The following FRMD4A variants were observed in gnomAD, a reference collection of about 807,000 sequenced individuals.
FRMD4A encodes FERM domain containing 4A.
In FRMD4A, 29 loss-of-function variants were observed where a neutral mutation model predicts 129.1. That is an observed-to-expected ratio of 0.22 (90% confidence interval 0.17 to 0.31). The LOEUF (loss-of-function observed/expected upper bound fraction) is 0.31. Ranked by LOEUF, FRMD4A falls within the 10% of genes least tolerant of loss-of-function variation. The pLI, the probability that FRMD4A is intolerant of heterozygous loss-of-function variation, is 1.00. For missense variants in FRMD4A, 1,272 were observed against 1,375.8 expected, an observed-to-expected ratio of 0.92 and a Z score of 1.19; for synonymous variants, 634 against 571.6, an observed-to-expected ratio of 1.11 and a Z score of -1.56.
intron 9 of FRMD4A, 78 bp downstream of exon 9, chr10:13,747,658 G>C (rs1359725497): frequency 2.1e-5 from 16 of 762,722 alleles, no homozygotes; most frequent in Non-Finnish European, 3.8e-5. Context: ...CTGGTGGAGG[G>C]AGGGTACATT....
chr10:13,934,838 C>A (rs938933889), intron 2 of FRMD4A, among the ~76,000 whole-genome samples: 1 of 152,096 alleles, frequency 6.6e-6, no homozygotes, highest in Non-Finnish European at 1.5e-5. Context: ...TAACAAAATG[C>A]CTTAGACTGG....
intron 2 of FRMD4A, among the ~76,000 whole-genome samples, chr10:13,908,271 A>G (rs2094904639): frequency 1.3e-5 from 2 of 151,940 alleles, no homozygotes; most frequent in East Asian, 1.9e-4. Context: ...AAAGCAAGAG[A>G]GAGAGAGCTT....
chr10:13,985,499 G>C (rs573965151), intron 2 of FRMD4A, among the ~76,000 whole-genome samples: 3 of 152,358 alleles, frequency 2.0e-5, no homozygotes, highest in Admixed American at 1.3e-4. Context: ...GTGAGTTCAG[G>C]TCAGGCCTAA....
intron 3 of FRMD4A, among the ~76,000 whole-genome samples, chr10:13,819,465 A>G (rs1292494876): frequency 1.3e-5 from 2 of 151,910 alleles, no homozygotes; most frequent in African/African-American, 4.8e-5. Flanking sequence ...CTGGATTTCT[A>G]CAGCACTCAA....
chr10:13,915,516 C>CA (rs1415031946), intron 2 of FRMD4A, among the ~76,000 whole-genome samples: 2 of 151,524 alleles, frequency 1.3e-5, no homozygotes, highest in African/African-American at 4.9e-5. Flanking sequence ...ACTAAAAATA[C>CA]AAAAAATTAG....
At chr10:14,185,471 A>T (rs566770714) in intron 2 of FRMD4A, among the ~76,000 whole-genome samples, 4 of 152,220 alleles carry the variant, frequency 2.6e-5, no homozygotes, top group Non-Finnish European at 5.9e-5. Context: ...TACAAAAAAC[A>T]TTACAACATT....
At chr10:14,267,821 A>G (rs1242610827) in intron 2 of FRMD4A, among the ~76,000 whole-genome samples, 7 of 152,216 alleles carry the variant, frequency 4.6e-5, no homozygotes, top group Non-Finnish European at 8.8e-5. Context: ...ATATTATGAC[A>G]CAAGACCTAA....
At chr10:14,001,184 A>C (rs1486834628) in intron 2 of FRMD4A, among the ~76,000 whole-genome samples, 2 of 152,186 alleles carry the variant, frequency 1.3e-5, no homozygotes, top group East Asian at 3.9e-4. Flanking sequence ...TGGGGATTTA[A>C]ATACTGATGC....
At chr10:14,244,024 T>C (rs1172537135) in intron 2 of FRMD4A, among the ~76,000 whole-genome samples, 1 of 152,124 alleles carries the variant, frequency 6.6e-6, no homozygotes, top group African/African-American at 2.4e-5. Context: ...GCTCAGAGAA[T>C]AACAATTGAC....
intron 2 of FRMD4A, among the ~76,000 whole-genome samples, chr10:14,119,995 C>CTT (rs34292351): frequency 0.012 from 1,587 of 131,176 alleles, 14 homozygotes; most frequent in African/African-American, 0.022. Flanking sequence ...ATGTCATCTG[C>CTT]TTTTTTTTTT....
chr10:14,270,976 A>T (rs1314537964), intron 2 of FRMD4A, among the ~76,000 whole-genome samples: 7 of 152,204 alleles, frequency 4.6e-5, no homozygotes, highest in Non-Finnish European at 2.9e-5. Context: ...GCTGTACAGG[A>T]AGTGTAACAG....
At chr10:14,311,036 G>C (rs942928366) in intron 2 of FRMD4A, among the ~76,000 whole-genome samples, 1 of 152,108 alleles carries the variant, frequency 6.6e-6, no homozygotes, top group Non-Finnish European at 1.5e-5. Flanking sequence ...CCCTCAATGA[G>C]AGCTTACTAG....
intron 2 of FRMD4A, among the ~76,000 whole-genome samples, chr10:14,045,523 C>A (rs988765368): frequency 1.4e-4 from 21 of 151,004 alleles, no homozygotes; most frequent in African/African-American, 5.1e-4. Context: ...AAGATATAAC[C>A]ATAAATATGT....
chr10:14,251,201 A>T (rs552735729), intron 2 of FRMD4A, among the ~76,000 whole-genome samples: 1 of 152,218 alleles, frequency 6.6e-6, no homozygotes, highest in African/African-American at 2.4e-5. Flanking sequence ...TAGACTATTA[A>T]TTAGAAACAA....
At chr10:13,957,622 A>G (rs1339684785) in intron 2 of FRMD4A, among the ~76,000 whole-genome samples, 3 of 152,110 alleles carry the variant, frequency 2.0e-5, no homozygotes, top group Non-Finnish European at 4.4e-5. Flanking sequence ...AAGAGTAAAA[A>G]TCCTCCTTCG....
chr10:14,094,334 G>C (rs990445596), intron 2 of FRMD4A, among the ~76,000 whole-genome samples: 2 of 152,232 alleles, frequency 1.3e-5, no homozygotes, highest in Admixed American at 6.5e-5. Flanking sequence ...AACATGGAAG[G>C]CATCAAAACC....
In FRMD4A at chr10:13,899,229, T is replaced by A. The variant is rs143803635; in HGVS notation, c.46-40317A>T. On this transcript the variant is annotated intron_variant, in intron 2 of 24. Transcript: ENST00000357447. ...TTATGAAGACTAGGGGTTCAACACA[T>A]ATTGTTTCCAAAACCACACAACTGA... Among the ~76,000 whole-genome samples the A allele has an allele frequency of 1.1e-4, 17 of 152,282 alleles. No individual in the cohort carries two copies. The East Asian group carries it at 3.1e-3, about 28-fold the overall frequency.
At chr10:14,308,122 A>G (rs1385393614) in intron 2 of FRMD4A, among the ~76,000 whole-genome samples, 2 of 152,230 alleles carry the variant, frequency 1.3e-5, no homozygotes, top group Admixed American at 1.3e-4. Context: ...TTGCTCAATG[A>G]AGTTGCATTT....
intron 16 of FRMD4A, among the ~76,000 whole-genome samples, chr10:13,671,899 G>A (rs1184205923): frequency 2.0e-5 from 3 of 152,278 alleles, no homozygotes. Flanking sequence ...TGAAGGAGCT[G>A]CTCTGACAAG....
Sources: gnomAD v4.1 joint callset for allele counts (sites outside exome capture counted in the v4.1 genomes callset) on GRCh38, gnomAD v4.1.1 for gene constraint, MANE v1.5 for transcripts, NCBI Gene and HGNC (gene_info 2026-07-23, HGNC 2026-07-21) for gene names.